Variants in GAK observed in about 807,000 individuals in gnomAD.
GAK encodes cyclin-G-associated kinase.
In GAK, 79 loss-of-function variants were observed where a neutral mutation model predicts 143.9. The ratio of observed to expected loss-of-function variants is 0.55; its 90% CI spans 0.46 to 0.66. The LOEUF is 0.66. Ranked by LOEUF, GAK falls within the 30% of genes least tolerant of loss-of-function variation. The pLI is 0.00. For synonymous variants in GAK, 881 were observed against 765.5 expected (o/e 1.15, Z -2.49); for missense variants, 1,693 against 1,779.7 (o/e 0.95, Z 0.88).
chr4:902,649 G>A (rs907916459), intron 5 of GAK, among the ~76,000 whole-genome samples: 14 of 139,080 alleles, frequency 1.0e-4, no homozygotes, highest in Admixed American at 8.7e-4. Context: ...GCCTCAGCAC[G>A]GAGGACGAGG....
intron 9 of GAK, among the ~76,000 whole-genome samples, chr4:892,595 G>T (rs762544189): frequency 1.3e-5 from 2 of 152,206 alleles, no homozygotes; most frequent in Non-Finnish European, 2.9e-5. Context: ...CCCAGGCCCT[G>T]ATGCTGCCAG....
intron 18 of GAK, among the ~76,000 whole-genome samples, chr4:874,546 G>A (rs529421959): frequency 6.6e-6 from 1 of 152,188 alleles, no homozygotes; most frequent in Non-Finnish European, 1.5e-5. Flanking sequence ...CTGCCTTCGG[G>A]TGTCACTCTG....
rs964090976 is a variant in GAK, at chr4:893,361, C to T, written c.990+16G>A. 32 of 1,515,224 alleles carry T rather than the reference C, an allele frequency of 2.1e-5. No individual in the cohort carries two copies. The highest frequency in any genetic ancestry group is 4.2e-5 in the African/African-American group (3 of 71,136). 93.9% of individuals were successfully genotyped at this position (1,515,224 alleles called of 1,614,324 possible). ...ACCACTGCGGGGGATTTGGGGCTCA[C>T]GTGTGCCTCCCTCACCTCTGTGATG... On this transcript the variant is annotated intron_variant, in intron 9 of 27. Coordinates refer to ENST00000314167, the MANE Select transcript of GAK (RefSeq NM_005255.4).
In GAK at chr4:890,527, C is replaced by A; in HGVS notation, c.1081+5G>T. 6.2e-7 allele frequency: 1 copy of A among 1,601,794 alleles called. No individual in the cohort carries two copies. The stretch of plus-strand genomic sequence containing the variant: ...CAGGTGGCGGGCACAGGACAGGGCA[C>A]TCACCTCCACTGTAGCCACTGCCAG... On this transcript the variant is annotated splice_donor_5th_base_variant and intron_variant, in intron 10 of 27. Transcript: ENST00000314167.
At chr4:857,217 T>C (rs970949150) in intron 24 of GAK, among the ~76,000 whole-genome samples, 13 of 152,212 alleles carry the variant, frequency 8.5e-5, no homozygotes, top group African/African-American at 2.2e-4. Flanking sequence ...TAAATCCTAT[T>C]TGCTGAAGTT....
intron 15 of GAK, 120 bp downstream of exon 15, chr4:881,787 G>T: frequency 1.6e-6 from 2 of 1,265,636 alleles, no homozygotes; most frequent in Non-Finnish European, 2.1e-6. Context: ...GGCCGGGCCT[G>T]CCTTTCCCAC....
intron 4 of GAK, 95 bp downstream of exon 4, chr4:911,578 C>T (rs901753611): frequency 2.6e-5 from 21 of 816,736 alleles, no homozygotes; most frequent in South Asian, 5.8e-5. Context: ...GAGAAGATGC[C>T]GGGCATGTTT....
chr4:870,986 T>A, intron 18 of GAK, 82 bp from the exon 19 acceptor site: 9 of 1,233,644 alleles, frequency 7.3e-6, no homozygotes, highest in South Asian at 6.0e-5. Flanking sequence ...GAAACGTGCA[T>A]GGAAACAGGT....
intron 11 of GAK, chr4:887,301 C>T (rs1716622982): frequency 6.8e-6 from 1 of 147,706 alleles, no homozygotes; most frequent in Non-Finnish European, 1.5e-5. Context: ...CTCACGCGCA[C>T]TCACACGTGT....
At chr4:878,070 C>T (rs774576439) in intron 15 of GAK, among the ~76,000 whole-genome samples, 10 of 152,294 alleles carry the variant, frequency 6.6e-5, no homozygotes, top group Non-Finnish European at 1.3e-4. Context: ...GATACTCCCA[C>T]TTTTACTCAT....
At chr4:869,882 C>G (rs45631832) in intron 19 of GAK, 5,268 of 151,970 alleles carry the variant, frequency 0.035, 179 homozygotes, top group East Asian at 0.19. Flanking sequence ...AATGCACGCA[C>G]ACAGATGCAC....
At chr4:909,383 C>T (rs1721633039) in intron 4 of GAK, among the ~76,000 whole-genome samples, 2 of 152,254 alleles carry the variant, frequency 1.3e-5, no homozygotes, top group African/African-American at 2.4e-5. Flanking sequence ...AAGAGATTGA[C>T]TGACAGACAC....
chr4:868,321 G>A lies in GAK; in HGVS notation c.2395+218C>T, dbSNP rs1209086237. 5.3e-5 allele frequency among the ~76,000 whole-genome samples: 8 copies of A among 152,304 alleles called. No homozygotes were observed. In the East Asian group the frequency reaches 7.7e-4, roughly 15 times the overall value. ...CGAGGGTTGTTATTTCAGACTTTGT[G>A]GGCATGTTCTTTTTTTTTCACCTTT... On this transcript the variant is annotated intron_variant, in intron 20 of 27. Coordinates refer to ENST00000314167, the MANE Select transcript of GAK (RefSeq NM_005255.4).
At position 851,765 on chromosome 4, in the gene GAK, G is replaced by A. The variant is rs759064696; in HGVS notation, c.3493C>T (p.Arg1165Cys). 6.8e-6 allele frequency: 11 copies of A among 1,613,146 alleles called. No individual in the cohort carries two copies. Among genetic ancestry groups the A allele is most frequent in the African/African-American group, 1.3e-5 (1 of 74,934 alleles). Reference protein sequence around the residue: ...VIGAREERGVRAPSFAQKPKV... With the variant: ...VIGAREERGVCAPSFAQKPKV... ...GGGGACTCACCAAAGCTGGGTGCGC[G>A]GACCCCCCGCTCCTCCCGCGCCCCG... The change falls in exon 25 of 28, where the codon CGC becomes TGC. Residue 1165 changes from arginine to cysteine, a missense_variant. Arg to Cys is a radical substitution (Grantham distance 180). Transcript: ENST00000314167.
At chr4:916,980 A>G (rs946573985) in intron 1 of GAK, among the ~76,000 whole-genome samples, 2 of 152,262 alleles carry the variant, frequency 1.3e-5, no homozygotes, top group Admixed American at 1.3e-4. Flanking sequence ...CACCTCTAAC[A>G]CTACCTAGCA....
chr4:899,866 C>T (rs1719527513), intron 5 of GAK, among the ~76,000 whole-genome samples: 1 of 152,252 alleles, frequency 6.6e-6, no homozygotes, highest in African/African-American at 2.4e-5. Flanking sequence ...AACGGACACA[C>T]ATGCCACCCA....
chr4:883,349 G>T lies in GAK; in HGVS notation c.1370C>A (p.Pro457Gln). ...PGHYAVYNLSPRTYRPSRFHN... is the reference protein window; with the variant it reads ...PGHYAVYNLSQRTYRPSRFHN... The stretch of plus-strand genomic sequence containing the variant: ...GAACCTGGAGGGCCGGTAGGTCCTC[G>T]GGGACAGGTTGTAGACGGCATAGTG... Residue 457 changes from proline to glutamine, a missense_variant, in exon 13 of 28, where the codon CCG (proline) becomes CAG (glutamine). Physicochemically the swap from Pro to Gln is moderately conservative, Grantham distance 76 (BLOSUM62 -1). Transcript: ENST00000314167. The T allele has an allele frequency of 4.3e-6, 7 of 1,613,600 alleles. 1 individual carries two copies. The South Asian group carries it at 7.7e-5, about 18-fold the overall frequency.
chr4:912,418 G>A (rs1722208910), intron 3 of GAK: 1 of 386,794 alleles, frequency 2.6e-6, no homozygotes, highest in Admixed American at 3.7e-5. Context: ...CGGAGGAGCT[G>A]AGGGGGCCGG....
intron 15 of GAK, among the ~76,000 whole-genome samples, chr4:880,370 A>G (rs1339680112): frequency 1.3e-5 from 2 of 152,324 alleles, no homozygotes; most frequent in East Asian, 3.9e-4. Context: ...CACATCAATT[A>G]GTTACTTCAG....
Sources: gnomAD v4.1 joint callset for allele counts (sites outside exome capture counted in the v4.1 genomes callset) on GRCh38, gnomAD v4.1.1 for gene constraint, MANE v1.5 for transcripts, NCBI Gene and HGNC (gene_info 2026-07-23, HGNC 2026-07-21) for gene names.